Variants in ANKRD54 observed in about 807,000 individuals in gnomAD.
ANKRD54 encodes ankyrin repeat domain 54.
Under a neutral mutation model 36.2 loss-of-function variants are expected in ANKRD54, and 26 were observed. That is an observed-to-expected ratio of 0.72 (90% CI 0.53 to 1.00). ANKRD54 has a LOEUF of 1.00. Ranked by LOEUF, ANKRD54 falls within the 50% of genes least tolerant of loss-of-function variation. ANKRD54 has a pLI of 0.00. For synonymous variants in ANKRD54, 209 were observed against 188.4 expected, an observed-to-expected ratio of 1.11 and a Z score of -0.89; for missense variants, 384 against 424.3, an observed-to-expected ratio of 0.91 and a Z score of 0.83.
At chr22:37,841,617 A>G (rs1924265821) in intron 1 of ANKRD54, among the ~76,000 whole-genome samples, 1 of 152,020 alleles carries the variant, frequency 6.6e-6, no homozygotes, top group African/African-American at 2.4e-5. Context: ...TGAGAGGCCA[A>G]GGTGGGTGGA....
chr22:37,846,053 T>TAGTCCC (rs929427435), upstream of ANKRD54, among the ~76,000 whole-genome samples: 3 of 151,418 alleles, frequency 2.0e-5, no homozygotes, highest in African/African-American at 7.3e-5. Flanking sequence ...TGGGCACCTT[T>TAGTCCC]AGTCCCAGCT....
At chr22:37,841,802 C>A (rs920569361) in intron 1 of ANKRD54, among the ~76,000 whole-genome samples, 1 of 150,948 alleles carries the variant, frequency 6.6e-6, no homozygotes, top group Non-Finnish European at 1.5e-5. Flanking sequence ...GAGCCAAGAT[C>A]GCGCCACTGC....
At chr22:37,849,322 T>A, upstream of ANKRD54, 1 of 1,148,262 alleles carries the variant, frequency 8.7e-7, no homozygotes, top group Non-Finnish European at 1.3e-6. Context: ...CTGTCTCAGA[T>A]GGCCAGAGGC....
intron 3 of ANKRD54, 56 bp downstream of exon 3, chr22:37,838,444 C>G: frequency 6.5e-7 from 1 of 1,528,664 alleles, no homozygotes; most frequent in East Asian, 2.4e-5. Flanking sequence ...CCCCCAAGGC[C>G]TGTGCAGAGA....
rs1331876511 is a variant in ANKRD54 at position 37,833,665 on chromosome 22, T to G, written c.547+19A>C. ...CTTTGCTGCAAATGAGTTGTCTTAG[T>G]GACTTCTGACATGCTTACCCAGGTG... On this transcript the variant is annotated intron_variant, in intron 4 of 7. Coordinates refer to ENST00000215941, the MANE Select transcript of ANKRD54 (RefSeq NM_138797.4). 1 of 1,613,446 alleles carries G rather than the reference T, an allele frequency of 6.2e-7. No homozygotes were observed.
At position 37,838,742 on chromosome 22, in the gene ANKRD54, C is replaced by T. The variant is rs1037518021; in HGVS notation, c.377-144G>A. 4 of 747,194 alleles carry T rather than the reference C, an allele frequency of 5.4e-6. No individual in the cohort carries two copies. In the African/African-American group the frequency reaches 7.0e-5, roughly 13 times the overall value. 46.3% of individuals were successfully genotyped at this position (747,194 alleles called of 1,614,324 possible). A position where few individuals can be genotyped will look rare whatever the true frequency, so the allele number is the denominator to read the frequency against. On this transcript the variant is annotated intron_variant, in intron 2 of 7. Coordinates refer to ENST00000215941, the MANE Select transcript of ANKRD54 (RefSeq NM_138797.4). ...ATAGGAAAGCAGCCCTTCCTAGATGCTGGTCCTATGGGAACAAGCAACTTG... is the reference window on the plus strand; with the variant it reads ...ATAGGAAAGCAGCCCTTCCTAGATGTTGGTCCTATGGGAACAAGCAACTTG...
At chr22:37,837,189 C>T (rs1027379662) in intron 3 of ANKRD54, among the ~76,000 whole-genome samples, 50 of 152,096 alleles carry the variant, frequency 3.3e-4, no homozygotes, top group African/African-American at 1.2e-3. Context: ...GGAACTCTTA[C>T]ACTGCTGGTG....
chr22:37,833,579 G>T, intron 4 of ANKRD54, 105 bp downstream of exon 4: 1 of 1,222,556 alleles, frequency 8.2e-7, no homozygotes, highest in Non-Finnish European at 1.2e-6. Flanking sequence ...GATCTTCCCT[G>T]ACACTCACAG....
At chr22:37,848,977 G>C (rs1263372892), upstream of ANKRD54, 7 of 217,376 alleles carry the variant, frequency 3.2e-5, no homozygotes, top group Non-Finnish European at 5.4e-5. Context: ...GAAAATTCAG[G>C]CTACTTGTAA....
intron 2 of ANKRD54, 45 bp from the exon 3 acceptor site, chr22:37,838,643 T>C (rs934816878): frequency 5.1e-6 from 8 of 1,570,118 alleles, no homozygotes; most frequent in Non-Finnish European, 6.9e-6. Flanking sequence ...AAAGCGGCGA[T>C]GTTAGCTAAG....
At chr22:37,832,135 G>C (rs1922961549) in intron 7 of ANKRD54, 118 bp from the exon 8 acceptor site, 1 of 973,428 alleles carries the variant, frequency 1.0e-6, no homozygotes, top group Admixed American at 2.2e-5. Flanking sequence ...AGGGCGTGTG[G>C]TGGCTTCTGA....
upstream of ANKRD54, chr22:37,849,323 G>A (rs781451754): frequency 1.7e-6 from 2 of 1,153,182 alleles, no homozygotes; most frequent in South Asian, 2.5e-5. Context: ...TGTCTCAGAT[G>A]GCCAGAGGCC....
chr22:37,840,042 G>T, intron 2 of ANKRD54, 145 bp downstream of exon 2: 1 of 947,188 alleles, frequency 1.1e-6, no homozygotes, highest in Non-Finnish European at 1.7e-6. Context: ...TCAGCAAGAT[G>T]ACTGCACAGT....
Position 37,844,062 on chromosome 22 carries a change from G to C in ANKRD54, c.177C>G (p.Gly59=), listed in dbSNP as rs1479613584. The C allele has an allele frequency of 7.0e-7, 1 of 1,434,316 alleles. No homozygotes were observed. The highest frequency in any genetic ancestry group is 3.0e-5 in the East Asian group (1 of 33,056). The allele number at this position is 1,434,316 out of a possible 1,614,324, so 88.8% of individuals were successfully genotyped here. A position where few individuals can be genotyped will look rare whatever the true frequency, so the allele number is the denominator to read the frequency against. The change falls in exon 1 of 8, where the codon GGC becomes GGG. Residue 59 remains glycine, a synonymous_variant. Coordinates refer to ENST00000215941, the MANE Select transcript of ANKRD54 (RefSeq NM_138797.4). The part of the protein sequence containing the change: ...GGAGLSGRAS[G]GAQSPLRYLH... Reference sequence around the variant, plus strand: ...AGTAGCGCAGCGGCGACTGGGCCCCGCCGGACGCCCGGCCCGAGAGGCCCG... The same window carrying C: ...AGTAGCGCAGCGGCGACTGGGCCCCCCCGGACGCCCGGCCCGAGAGGCCCG...
chr22:37,847,720 G>C (rs571768451), upstream of ANKRD54: 17 of 451,072 alleles, frequency 3.8e-5, no homozygotes, highest in African/African-American at 3.1e-4. Flanking sequence ...CCAAGGAAGA[G>C]ACTGTGACTC....
Position 37,833,009 on chromosome 22 carries a change from C to T in ANKRD54, c.669G>A (p.Leu223=), listed in dbSNP as rs138882606. The part of the protein sequence containing the change: ...LHLAKSKLNI[L]QEGHAQCLEA... ...CTAGGCACTGGGCATGGCCCTCCTG[C>T]AGGATATTCAGCTTTGACTTGGCCA... Residue 223 remains leucine, a synonymous_variant, in exon 6 of 8, where the codon CTG becomes CTA. Coordinates refer to ENST00000215941, the MANE Select transcript of ANKRD54 (RefSeq NM_138797.4). The T allele has an allele frequency of 6.5e-5, 105 of 1,614,174 alleles. No individual in the cohort carries two copies. In the African/African-American group the frequency reaches 1.1e-3, roughly 17 times the overall value.
At position 37,840,224 on chromosome 22, in the gene ANKRD54, T is replaced by C. The variant is rs369399254; in HGVS notation, c.339A>G (p.Arg113=). The change falls in exon 2 of 8, where the codon AGA becomes AGG. Residue 113 remains arginine (R), a synonymous_variant. Transcript: ENST00000215941. The part of the protein sequence containing the change: ...PTGKEVHALK[R]LRDSANANDV... Reference sequence around the variant, plus strand: ...CATTGGCATTGGCCGAGTCCCTCAGTCTCTTCAGAGCTGTAAAGAGAGTAA... The same window carrying C: ...CATTGGCATTGGCCGAGTCCCTCAGCCTCTTCAGAGCTGTAAAGAGAGTAA... 3.3e-5 allele frequency: 54 copies of C among 1,613,918 alleles called. No individual in the cohort carries two copies. Among genetic ancestry groups the C allele is most frequent in the Non-Finnish European group, 4.4e-5 (52 of 1,179,916 alleles).
intron 4 of ANKRD54, 40 bp from the exon 5 acceptor site, chr22:37,833,246 C>T (rs778796407): frequency 4.1e-5 from 66 of 1,608,316 alleles, no homozygotes; most frequent in Admixed American, 6.8e-5. Flanking sequence ...CCAGGACCAC[C>T]AGAGCCTGGC....
chr22:37,843,186 G>A (rs1924494886), intron 1 of ANKRD54, among the ~76,000 whole-genome samples: 2 of 152,188 alleles, frequency 1.3e-5, no homozygotes, highest in South Asian at 4.1e-4. Context: ...ACTTTGGGAG[G>A]CCGAGGTGGG....
Sources: allele counts gnomAD v4.1 joint callset (sites outside exome capture counted in the v4.1 genomes callset), GRCh38; gene constraint gnomAD v4.1.1; transcripts MANE v1.5; gene names NCBI Gene and HGNC (gene_info 2026-07-23, HGNC 2026-07-21).